RAB3C: variants seen among roughly 807,000 people sequenced by gnomAD.
The protein encoded by RAB3C is RAB3C, member RAS oncogene family.
A neutral mutation model predicts 26.4 loss-of-function variants in RAB3C; 17 were observed. The observed-to-expected ratio is 0.64, with a 90% CI of 0.44 to 0.97. The LOEUF is 0.97. RAB3C is among the 50% of genes least tolerant of loss of function. The probability of loss-of-function intolerance (pLI) is 0.00; values close to 1 mark genes in which losing one functional copy is unlikely to be tolerated. For missense variants in RAB3C, 242 were observed against 281.9 expected (o/e 0.86, Z 1.01); for synonymous variants, 91 against 95.9 (o/e 0.95, Z 0.30).
At chr5:58,767,771 G>C (rs149477481) in intron 3 of RAB3C, among the ~76,000 whole-genome samples, 18 of 152,224 alleles carry the variant, frequency 1.2e-4, no homozygotes, top group African/African-American at 3.9e-4. Flanking sequence ...ATTATGTCAC[G>C]CATTGTTCTA....
chr5:58,634,500 G>T (rs1238425936), intron 2 of RAB3C, among the ~76,000 whole-genome samples: 2 of 152,108 alleles, frequency 1.3e-5, no homozygotes, highest in African/African-American at 4.8e-5. Flanking sequence ...TGGTTATGAG[G>T]AATAATCAGG....
At position 58,668,872 on chromosome 5, in the gene RAB3C, G is replaced by A. The variant is rs148467998; in HGVS notation, c.252+51002G>A. Among the ~76,000 whole-genome samples the A allele has an allele frequency of 7.1e-3, 1,079 of 152,136 alleles. 10 individuals carry two copies. Among genetic ancestry groups the A allele is most frequent in the Non-Finnish European group, 0.011 (721 of 67,994 alleles). On this transcript the variant is annotated intron_variant, in intron 2 of 4. Coordinates refer to ENST00000282878, the MANE Select transcript of RAB3C (RefSeq NM_138453.4). Reference sequence around the variant, plus strand: ...AAATACCATAGACTGGGTGGCTTACGCAACAGACATTTATTGCTCACAGTT... The same window carrying A: ...AAATACCATAGACTGGGTGGCTTACACAACAGACATTTATTGCTCACAGTT...
intron 2 of RAB3C, among the ~76,000 whole-genome samples, chr5:58,662,155 G>A (rs1305750293): frequency 6.7e-6 from 1 of 149,836 alleles, no homozygotes; most frequent in African/African-American, 2.5e-5. Flanking sequence ...CTGGATAGTG[G>A]GGAAGAGGAT....
chr5:58,848,032 T>C (rs761876368), intron 4 of RAB3C, among the ~76,000 whole-genome samples: 1 of 152,154 alleles, frequency 6.6e-6, no homozygotes, highest in Non-Finnish European at 1.5e-5. Context: ...AATTTTTGTA[T>C]TTTTAGTAGA....
chr5:58,759,205 T>G (rs1741740213), intron 3 of RAB3C, among the ~76,000 whole-genome samples: 1 of 152,164 alleles, frequency 6.6e-6, no homozygotes, highest in Non-Finnish European at 1.5e-5. Flanking sequence ...ATCACAGTGG[T>G]TAGTACAGGG....
chr5:58,692,092 C>T (rs1748581579), intron 2 of RAB3C, among the ~76,000 whole-genome samples: 1 of 152,142 alleles, frequency 6.6e-6, no homozygotes, highest in Non-Finnish European at 1.5e-5. Context: ...ATGAAAATAG[C>T]TCCAAATGGT....
intron 4 of RAB3C, among the ~76,000 whole-genome samples, chr5:58,845,594 C>CTATATATATATATATATA (rs147626783): frequency 8.6e-4 from 64 of 74,498 alleles, no homozygotes; most frequent in African/African-American, 1.9e-3. Context: ...GTGATTCTTA[C>CTATATATATATATATATA]TATATATATA....
rs1486976819 is a variant in RAB3C at position 58,825,231 on chromosome 5, C to T, written c.496+69C>T. On this transcript the variant is annotated intron_variant, in intron 4 of 4. Transcript: ENST00000282878. ...ATTATATGTAACTCTGTACAGAGTC[C>T]GAGCTAATTGTCAGGGTGGAGTTAA... The T allele has an allele frequency of 3.7e-5, 53 of 1,443,850 alleles. 1 individual carries two copies. In the South Asian group the frequency reaches 5.3e-4, roughly 15 times the overall value. The allele number at this position is 1,443,850 out of a possible 1,614,324, so 89.4% of individuals were successfully genotyped here.
intron 2 of RAB3C, among the ~76,000 whole-genome samples, chr5:58,677,976 T>TGTG (rs1748261340): frequency 6.8e-6 from 1 of 147,784 alleles, no homozygotes. Context: ...CTAGATTATT[T>TGTG]TGTGTGTGTG....
intron 2 of RAB3C, among the ~76,000 whole-genome samples, chr5:58,693,380 G>C (rs1248680341): frequency 1.6e-5 from 2 of 128,380 alleles, no homozygotes; most frequent in African/African-American, 7.7e-5. Flanking sequence ...TTAAAACCTT[G>C]CAATTCACCT....
intron 1 of RAB3C, among the ~76,000 whole-genome samples, chr5:58,605,731 C>G (rs1746548437): frequency 6.6e-6 from 1 of 152,064 alleles, no homozygotes; most frequent in African/African-American, 2.4e-5. Context: ...AACCCTGTTT[C>G]TACTAAAAAT....
chr5:58,798,300 CAA>C (rs1561133964), intron 3 of RAB3C, among the ~76,000 whole-genome samples: 7 of 151,790 alleles, frequency 4.6e-5, no homozygotes, highest in African/African-American at 1.7e-4. Context: ...TTTTTAATTA[CAA>C]AGGGAAAAAA....
At chr5:58,671,836 T>G (rs1748124392) in intron 2 of RAB3C, among the ~76,000 whole-genome samples, 1 of 152,200 alleles carries the variant, frequency 6.6e-6, no homozygotes, top group African/African-American at 2.4e-5. Flanking sequence ...AAATACAAGT[T>G]TATTTAGAAA....
intron 2 of RAB3C, among the ~76,000 whole-genome samples, chr5:58,664,569 A>G (rs1230918675): frequency 1.3e-5 from 2 of 152,142 alleles, no homozygotes; most frequent in African/African-American, 4.8e-5. Context: ...GACTGTATCA[A>G]TGTCCATATC....
At chr5:58,586,930 CATT>C (rs1476870490) in intron 1 of RAB3C, among the ~76,000 whole-genome samples, 1 of 152,130 alleles carries the variant, frequency 6.6e-6, no homozygotes, top group East Asian at 1.9e-4. Flanking sequence ...TTTTGCACTT[CATT>C]ATTGTTGAAT....
chr5:58,643,512 A>C (rs913195355), intron 2 of RAB3C, among the ~76,000 whole-genome samples: 1 of 152,056 alleles, frequency 6.6e-6, no homozygotes, highest in African/African-American at 2.4e-5. Context: ...AATTATGTTT[A>C]GAAGTTGGAA....
intron 1 of RAB3C, among the ~76,000 whole-genome samples, chr5:58,611,064 A>G (rs1290259812): frequency 1.3e-5 from 2 of 152,042 alleles, no homozygotes; most frequent in East Asian, 1.9e-4. Context: ...GCTCCATCCC[A>G]TGTTCCTGCA....
intron 2 of RAB3C, among the ~76,000 whole-genome samples, chr5:58,709,788 A>G (rs1490317413): frequency 1.3e-5 from 2 of 152,190 alleles, no homozygotes; most frequent in African/African-American, 4.8e-5. Context: ...AACTGAACGG[A>G]AAAGAATTAC....
intron 2 of RAB3C, among the ~76,000 whole-genome samples, chr5:58,668,854 A>G (rs1276502026): frequency 1.3e-5 from 2 of 152,114 alleles, no homozygotes; most frequent in Admixed American, 6.5e-5. Context: ...ACAAAATACC[A>G]TAGACTGGGT....
Sources: allele counts gnomAD v4.1 joint callset (sites outside exome capture counted in the v4.1 genomes callset), GRCh38; gene constraint gnomAD v4.1.1; transcripts MANE v1.5; gene names NCBI Gene and HGNC (gene_info 2026-07-23, HGNC 2026-07-21).